GDPD3: variants seen among roughly 807,000 people sequenced by gnomAD.
GDPD3 encodes glycerophosphodiester phosphodiesterase domain containing 3, also known as lysophospholipase D GDPD3.
In GDPD3, 40 loss-of-function variants were observed where a neutral mutation model predicts 43.7. The observed-to-expected ratio is 0.91, with a 90% confidence interval of 0.71 to 1.19. GDPD3 has a LOEUF of 1.19. Ranked by LOEUF, GDPD3 falls within the 50% of genes most tolerant of loss-of-function variation. The pLI is 0.00. For missense variants in GDPD3, 363 were observed against 415.8 expected (o/e 0.87, Z 1.11); for synonymous variants, 145 against 162.9 (o/e 0.89, Z 0.84).
At position 30,111,454 on chromosome 16, in the gene GDPD3, C is replaced by G. The variant is rs2072898782; in HGVS notation, c.641G>C (p.Gly214Ala). Residue 214 changes from glycine (G) to alanine (A), a missense_variant, in exon 7 of 10, where the codon GGG (glycine) becomes GCG (alanine). Gly to Ala is a moderately conservative substitution (Grantham distance 60, BLOSUM62 0). Coordinates refer to ENST00000406256, the MANE Select transcript of GDPD3 (RefSeq NM_024307.3). ...GFWVLLSYYL[G>A]LLPFIPIPEK... Reference sequence around the variant, plus strand: ...AGGGATTGGGATGAAGGGCAGCAGCCCCAGGTAGTAGGAAAGCAGCACCCA... The same window carrying G: ...AGGGATTGGGATGAAGGGCAGCAGCGCCAGGTAGTAGGAAAGCAGCACCCA... The G allele has an allele frequency of 6.2e-7, 1 of 1,613,758 alleles. No homozygotes were observed. The highest frequency in any genetic ancestry group is 8.5e-7 in the Non-Finnish European group (1 of 1,179,950).
In GDPD3 at chr16:30,113,082, G is replaced by C. The variant is rs1567352263; in HGVS notation, c.140-18C>G. 1 of 1,610,774 alleles carries C rather than the reference G, an allele frequency of 6.2e-7. No individual in the cohort carries two copies. The highest frequency in any genetic ancestry group is 1.7e-5 in the Admixed American group (1 of 59,864). ...TCCAGATCCTGTGGGGGGCACTGGA[G>C]TGGGCCTCTGGGGCTTGGGGTCTAG... On this transcript the variant is annotated intron_variant, in intron 1 of 9. Transcript: ENST00000406256. The surrounding 1 kb of genome is among the most constrained non-coding windows in gnomAD (Gnocchi z 5.9).
At chr16:30,105,293 C>T (rs979565553) in intron 9 of GDPD3, among the ~76,000 whole-genome samples, 1 of 151,886 alleles carries the variant, frequency 6.6e-6, no homozygotes, top group Admixed American at 6.6e-5. Flanking sequence ...CTACAAAAAA[C>T]TTTGTAAAAA....
At chr16:30,106,254 C>G (rs1264540278) in intron 9 of GDPD3, among the ~76,000 whole-genome samples, 1 of 152,188 alleles carries the variant, frequency 6.6e-6, no homozygotes, top group Non-Finnish European at 1.5e-5. Context: ...GATGGAAATA[C>G]TACATGATGG....
chr16:30,113,442 C>A lies in GDPD3; in HGVS notation c.37G>T (p.Gly13Cys). 1.2e-6 allele frequency: 2 copies of A among 1,608,540 alleles called. No homozygotes were observed. Among genetic ancestry groups the A allele is most frequent in the Non-Finnish European group, 1.7e-6 (2 of 1,176,792 alleles). ...AAGATGGAGAGCATGGCATAGCTGC[C>A]CAGGGCAGGGAGGGCATAGTACAGC... ...LLLYYALPAL[G>C]SYAMLSIFFL... The change falls in exon 1 of 10, where the codon GGC becomes TGC. Residue 13 changes from glycine (G) to cysteine (C), a missense_variant. Gly to Cys is a radical substitution (Grantham distance 159, BLOSUM62 -3). Transcript: ENST00000406256. This position sits in a 1 kb window ranked among gnomAD's most constrained non-coding sequence, Gnocchi z 5.9.
At chr16:30,107,986 GACACACACACACACACAC>G in intron 9 of GDPD3, 1 of 268,256 alleles carries the variant, frequency 3.7e-6, no homozygotes, top group Non-Finnish European at 7.0e-6. Context: ...TGAGACTCTT[GACACACACACACACACAC>G]ACACACACAC....
At position 30,112,520 on chromosome 16, in the gene GDPD3, C is replaced by T. The variant is rs201068732; in HGVS notation, c.364+3G>A. The T allele has an allele frequency of 4.8e-5, 78 of 1,614,152 alleles. 1 individual carries two copies. The highest frequency in any genetic ancestry group is 1.4e-4 in the South Asian group (13 of 91,086). On this transcript the variant is annotated splice_donor_region_variant and intron_variant, in intron 4 of 9. Transcript: ENST00000406256. This position sits in a 1 kb window ranked among gnomAD's most constrained non-coding sequence, Gnocchi z 5.4. Reference sequence around the variant, plus strand: ...AGGCAGGGCTCGAAGCCCTTGCTCTCACCTGGAGAGAAGTAAACCTCCAGC... The same window carrying T: ...AGGCAGGGCTCGAAGCCCTTGCTCTTACCTGGAGAGAAGTAAACCTCCAGC...
intron 7 of GDPD3, among the ~76,000 whole-genome samples, chr16:30,108,972 C>T (rs1194200283): frequency 6.6e-6 from 1 of 151,860 alleles, no homozygotes; most frequent in Non-Finnish European, 1.5e-5. Context: ...GCTGGGACTA[C>T]AGGTGCCCGC....
In GDPD3 at chr16:30,112,857, G is replaced by T; in HGVS notation, c.183-64C>A. On this transcript the variant is annotated intron_variant, in intron 2 of 9. Coordinates refer to ENST00000406256, the MANE Select transcript of GDPD3 (RefSeq NM_024307.3). The surrounding 1 kb of genome is among the most constrained non-coding windows in gnomAD (Gnocchi z 5.4). ...ACTGGGATGAGGGGCATGGTGGCTG[G>T]GAGGTGGCCGGGAATGTGAGAGCGG... is the stretch of plus-strand genomic sequence containing the variant. 1 of 1,573,058 alleles carries T rather than the reference G, an allele frequency of 6.4e-7. No individual in the cohort carries two copies. The highest frequency in any genetic ancestry group is 1.7e-5 in the Admixed American group (1 of 59,656).
In GDPD3 at chr16:30,104,863, C is replaced by T; in HGVS notation, c.*9G>A. The T allele has an allele frequency of 6.2e-7, 1 of 1,612,154 alleles. No individual in the cohort carries two copies. Among genetic ancestry groups the T allele is most frequent in the Non-Finnish European group, 8.5e-7 (1 of 1,179,808 alleles). ...GGAAGAGAAACAGGAGACCTCGAGG[C>T]TTCTGGACTTAGGAGGTCCGGGCAG... is the stretch of plus-strand genomic sequence containing the variant. On this transcript the variant is annotated 3_prime_UTR_variant, in exon 10 of 10. Coordinates refer to ENST00000406256, the MANE Select transcript of GDPD3 (RefSeq NM_024307.3).
intron 7 of GDPD3, among the ~76,000 whole-genome samples, chr16:30,109,476 T>TC (rs1215504281): frequency 1.3e-5 from 2 of 151,854 alleles, no homozygotes; most frequent in Non-Finnish European, 2.9e-5. Context: ...ACTACTGCAC[T>TC]CCAGCCTGGG....
chr16:30,108,125 C>T, intron 9 of GDPD3, 88 bp downstream of exon 9: 1 of 1,205,200 alleles, frequency 8.3e-7, no homozygotes, highest in Non-Finnish European at 1.2e-6. Flanking sequence ...GGTCACCTGC[C>T]CGAGTGATGC....
At chr16:30,107,587 C>G (rs568938422) in intron 9 of GDPD3, 1 of 152,154 alleles carries the variant, frequency 6.6e-6, no homozygotes, top group African/African-American at 2.4e-5. Flanking sequence ...CCAGCCCCCT[C>G]TCATCAGGGA....
Position 30,108,197 on chromosome 16 carries a change from G to C in GDPD3, c.819+16C>G. ...GCCAGGTCTGTGTGCGGTGGAAGTG[G>C]TGGTCACGGCCTCACCTGCACCCCT... On this transcript the variant is annotated intron_variant, in intron 9 of 9. Transcript: ENST00000406256. 6.4e-7 allele frequency: 1 copy of C among 1,572,422 alleles called. No homozygotes were observed. Among genetic ancestry groups the C allele is most frequent in the Non-Finnish European group, 8.7e-7 (1 of 1,154,830 alleles).
At position 30,112,908 on chromosome 16, in the gene GDPD3, C is replaced by T; in HGVS notation, c.182+114G>A. ...AGTTCGTGGCGGGATGTGCAGGCCA[C>T]CTCCAGGGGGCGCCAGTCACCCAGC... On this transcript the variant is annotated intron_variant, in intron 2 of 9. Coordinates refer to ENST00000406256, the MANE Select transcript of GDPD3 (RefSeq NM_024307.3). This position sits in a 1 kb window ranked among gnomAD's most constrained non-coding sequence, Gnocchi z 5.4. The T allele has an allele frequency of 1.3e-6, 2 of 1,488,162 alleles. No individual in the cohort carries two copies. The highest frequency in any genetic ancestry group is 1.9e-6 in the Non-Finnish European group (2 of 1,073,430). 92.2% of individuals were successfully genotyped at this position (1,488,162 alleles called of 1,614,324 possible). A position where few individuals can be genotyped will look rare whatever the true frequency, so the allele number is the denominator to read the frequency against.
At chr16:30,106,772 T>C (rs1280993757) in intron 9 of GDPD3, among the ~76,000 whole-genome samples, 2 of 152,042 alleles carry the variant, frequency 1.3e-5, no homozygotes, top group East Asian at 1.9e-4. Context: ...AGTGGCGTGA[T>C]CTCGGCTCAC....
In GDPD3 at chr16:30,112,793, G is replaced by A. The variant is rs1271958580; in HGVS notation, c.183C>T (p.Asn61=). 1.2e-6 allele frequency: 2 copies of A among 1,607,638 alleles called. No individual in the cohort carries two copies. Among genetic ancestry groups the A allele is most frequent in the Admixed American group, 3.3e-5 (2 of 59,992 alleles). The change falls in exon 3 of 10, where the codon AAC becomes AAT. Residue 61 remains asparagine (N), a splice_region_variant and synonymous_variant. Coordinates refer to ENST00000406256, the MANE Select transcript of GDPD3 (RefSeq NM_024307.3). This position sits in a 1 kb window ranked among gnomAD's most constrained non-coding sequence, Gnocchi z 5.4. ...GGAGGTCCGAGCGCTGGGCCATGGA[G>A]CTGTGGGGGTGAAGGTCAGCGGGGG... The part of the protein sequence containing the change: ...LLENTMEAME[N]SMAQRSDLLE...
chr16:30,109,111 T>C (rs1367658942), intron 7 of GDPD3, among the ~76,000 whole-genome samples: 3 of 152,090 alleles, frequency 2.0e-5, no homozygotes, highest in Non-Finnish European at 2.9e-5. Context: ...ATTACAGGCG[T>C]GAGCCACCGT....
chr16:30,111,370 T>C lies in GDPD3; in HGVS notation c.707+18A>G, dbSNP rs1227844341. Reference sequence around the variant, plus strand: ...TAAGCAGTGGGGAGTTTTTCTGAGGTCCGCCCCCCACTGGTACCTGTTGAT... The same window carrying C: ...TAAGCAGTGGGGAGTTTTTCTGAGGCCCGCCCCCCACTGGTACCTGTTGAT... On this transcript the variant is annotated intron_variant, in intron 7 of 9. Coordinates refer to ENST00000406256, the MANE Select transcript of GDPD3 (RefSeq NM_024307.3). 5 of 1,612,394 alleles carry C rather than the reference T, an allele frequency of 3.1e-6. No individual in the cohort carries two copies. The Admixed American group carries it at 5.0e-5, about 16-fold the overall frequency.
In GDPD3 at chr16:30,105,085, A is replaced by C. The variant is rs887498150; in HGVS notation, c.820-76T>G. On this transcript the variant is annotated intron_variant, in intron 9 of 9. Coordinates refer to ENST00000406256, the MANE Select transcript of GDPD3 (RefSeq NM_024307.3). ...AGAGTGGGGACCCACCTCCTCCTCT[A>C]TGGAGACTCCCCAGCAGCAGTAGGC... 1.5e-5 allele frequency: 19 copies of C among 1,230,294 alleles called. No homozygotes were observed. The South Asian group carries it at 2.1e-4, about 14-fold the overall frequency. 76.2% of individuals were successfully genotyped at this position (1,230,294 alleles called of 1,614,324 possible).
Sources: allele counts gnomAD v4.1 joint callset (sites outside exome capture counted in the v4.1 genomes callset), GRCh38; gene constraint gnomAD v4.1.1; non-coding constraint Gnocchi (gnomAD v3.1); transcripts MANE v1.5; gene names NCBI Gene and HGNC (gene_info 2026-07-23, HGNC 2026-07-21).